MGAM2: variants seen among roughly 807,000 people sequenced by gnomAD.
MGAM2 encodes maltase-glucoamylase 2 (putative), also known as probable maltase-glucoamylase 2.
A neutral mutation model predicts 96.1 loss-of-function variants in MGAM2; 98 were observed. The observed-to-expected ratio is 1.02, with a 90% confidence interval of 0.87 to 1.21. The LOEUF (loss-of-function observed/expected upper bound fraction) is 1.21, where lower values mean the gene tolerates loss of function less well. Ranked by LOEUF, MGAM2 falls within the 50% of genes most tolerant of loss-of-function variation. The pLI is 0.00. For missense variants in MGAM2, 2,055 were observed against 1,182.4 expected (o/e 1.74, Z -10.82); for synonymous variants, 749 against 414.8 (o/e 1.81, Z -9.79).
rs1585209458 is a variant in MGAM2 at position 142,198,028 on chromosome 7, C to T, written c.4867-111C>T. On this transcript the variant is annotated intron_variant, in intron 42 of 47. Transcript: ENST00000477922. ...CTTAATAAAATCCCTCAAATTATTG[C>T]AATCACTAATACAATTTTCATTTTT... 6 of 607,784 alleles carry T rather than the reference C, an allele frequency of 9.9e-6. No individual in the cohort carries two copies. The East Asian group carries it at 1.7e-4, about 17-fold the overall frequency. 37.6% of individuals were successfully genotyped at this position (607,784 alleles called of 1,614,324 possible).
At chr7:142,113,934 C>A (rs80043565) in intron 1 of MGAM2, among the ~76,000 whole-genome samples, 1 of 152,032 alleles carries the variant, frequency 6.6e-6, no homozygotes, top group South Asian at 2.1e-4. Flanking sequence ...GAGTTCAAGA[C>A]CAACCTGGCC....
chr7:142,132,435 T>C (rs1226430609), intron 6 of MGAM2, among the ~76,000 whole-genome samples: 1 of 139,894 alleles, frequency 7.1e-6, no homozygotes, highest in Non-Finnish European at 1.5e-5. Context: ...ACTATTAATA[T>C]AATTAATAAT....
intron 2 of MGAM2, among the ~76,000 whole-genome samples, chr7:142,117,676 C>T (rs1817461061): frequency 6.6e-6 from 1 of 152,120 alleles, no homozygotes; most frequent in South Asian, 2.1e-4. Context: ...CACCTCTCTC[C>T]ACAGTAAACA....
chr7:142,193,107 T>G (rs1796923025), intron 37 of MGAM2, among the ~76,000 whole-genome samples: 1 of 152,184 alleles, frequency 6.6e-6, no homozygotes, highest in Admixed American at 6.5e-5. Context: ...ATATTCAAGC[T>G]GTTTGAAGGA....
intron 3 of MGAM2, among the ~76,000 whole-genome samples, chr7:142,128,152 G>T (rs1403135214): frequency 6.6e-6 from 1 of 152,188 alleles, no homozygotes; most frequent in Non-Finnish European, 1.5e-5. Context: ...GAGATCTGTG[G>T]AACTTTGAAC....
intron 36 of MGAM2, among the ~76,000 whole-genome samples, chr7:142,188,738 C>T (rs1256811956): frequency 1.3e-5 from 2 of 152,204 alleles, no homozygotes; most frequent in Non-Finnish European, 2.9e-5. Context: ...CTATTTTTCA[C>T]TTTCACTATA....
intron 45 of MGAM2, among the ~76,000 whole-genome samples, chr7:142,200,623 T>C (rs1797192275): frequency 6.6e-6 from 1 of 152,196 alleles, no homozygotes; most frequent in South Asian, 2.1e-4. Context: ...TACTTATTAC[T>C]GTGGACCAGA....
At chr7:142,175,865 G>A (rs1796358486) in intron 32 of MGAM2, 85 bp downstream of exon 32, 1 of 658,052 alleles carries the variant, frequency 1.5e-6, no homozygotes, top group Non-Finnish European at 2.8e-6. Context: ...ACTGGATGAA[G>A]GGTACCAGAA....
intron 15 of MGAM2, among the ~76,000 whole-genome samples, chr7:142,151,427 A>G (rs1017753393): frequency 1.3e-5 from 2 of 152,208 alleles, no homozygotes; most frequent in Admixed American, 1.3e-4. Context: ...TTTCTGATTC[A>G]TTATCTTCTC....
At chr7:142,190,197 A>G (rs1325759741) in intron 37 of MGAM2, among the ~76,000 whole-genome samples, 1 of 151,308 alleles carries the variant, frequency 6.6e-6, no homozygotes, top group Non-Finnish European at 1.5e-5. Flanking sequence ...CTTCTGTGTC[A>G]TATAGGAACT....
chr7:142,215,305 T>C (rs544071036), intron 46 of MGAM2, among the ~76,000 whole-genome samples: 1 of 150,944 alleles, frequency 6.6e-6, no homozygotes, highest in East Asian at 1.9e-4. Context: ...CTGTTGGGGG[T>C]GGAGGGCAAG....
intron 32 of MGAM2, among the ~76,000 whole-genome samples, 190 bp downstream of exon 32, chr7:142,175,970 G>T (rs535069667): frequency 1.1e-3 from 173 of 151,844 alleles, no homozygotes; most frequent in African/African-American, 3.8e-3. Context: ...ATGAAAGAAA[G>T]AAATGAAAAG....
chr7:142,199,112 C>T (rs1394055964), intron 44 of MGAM2, among the ~76,000 whole-genome samples: 3 of 152,158 alleles, frequency 2.0e-5, no homozygotes, highest in Admixed American at 2.0e-4. Flanking sequence ...TATCCTAGAA[C>T]TTAATGTTCA....
chr7:142,183,913 A>G (rs955086934), intron 33 of MGAM2, among the ~76,000 whole-genome samples: 2 of 117,320 alleles, frequency 1.7e-5, no homozygotes, highest in South Asian at 2.7e-4. Flanking sequence ...TAATTATACT[A>G]TGCTACTTCC....
intron 15 of MGAM2, among the ~76,000 whole-genome samples, chr7:142,150,322 C>G (rs1009406109): frequency 6.6e-6 from 1 of 152,198 alleles, no homozygotes; most frequent in South Asian, 2.1e-4. Flanking sequence ...ATGAAGCCAT[C>G]TTTTATGCCT....
At chr7:142,207,603 G>A (rs1305228340) in intron 45 of MGAM2, among the ~76,000 whole-genome samples, 1 of 151,622 alleles carries the variant, frequency 6.6e-6, no homozygotes, top group Non-Finnish European at 1.5e-5. Flanking sequence ...TTTTGTTTTA[G>A]TATTTTTAGT....
chr7:142,139,804 TA>T lies in MGAM2; in HGVS notation c.1087-987del, dbSNP rs938207699. Among the ~76,000 whole-genome samples, 460 of 144,938 alleles carry T rather than the reference TA, an allele frequency of 3.2e-3. 2 individuals are homozygous for T. The highest frequency in any genetic ancestry group is 0.011 in the African/African-American group (420 of 39,912). Reference sequence around the variant, plus strand: ...CAGGCAGGGGGATCAATTTTTCCTGTAAAAAAAAAAACAGATGGTCAATGTG... The same window carrying T: ...CAGGCAGGGGGATCAATTTTTCCTGTAAAAAAAAAACAGATGGTCAATGTG... On this transcript the variant is annotated intron_variant, in intron 10 of 47. Transcript: ENST00000477922.
In MGAM2 at chr7:142,186,001, T is replaced by TG; in HGVS notation, c.4000_4001insG (p.Tyr1334Ter). 1 of 703,460 alleles carries TG rather than the reference T, an allele frequency of 1.4e-6. No homozygotes were observed. The highest frequency in any genetic ancestry group is 2.6e-6 in the Non-Finnish European group (1 of 385,032). 43.6% of individuals were successfully genotyped at this position (703,460 alleles called of 1,614,324 possible). Residue 1334 changes from tyrosine to a stop codon, truncating the protein, a stop_gained and frameshift_variant, in exon 35 of 48, where the codon TAC (tyrosine) becomes TGAC (stop). Transcript: ENST00000477922. LOFTEE classifies it high-confidence loss of function. ...GTTATTCTTACAGCTTTACAGGGCC[T>TG]ACGTTGCCTTTCCTGACTTCTTTCG... is the stretch of plus-strand genomic sequence containing the variant. ...HETQVKLYRAYVAFPDFFRNS... is the reference protein window; with the variant it reads ...HETQVKLYRA
At chr7:142,214,709 A>G (rs1313481761) in intron 46 of MGAM2, among the ~76,000 whole-genome samples, 1 of 152,212 alleles carries the variant, frequency 6.6e-6, no homozygotes, top group Non-Finnish European at 1.5e-5. Flanking sequence ...CAGTATCGTG[A>G]AAATGGTCAT....
Sources: allele counts gnomAD v4.1 joint callset (sites outside exome capture counted in the v4.1 genomes callset), GRCh38; gene constraint gnomAD v4.1.1; transcripts MANE v1.5; gene names NCBI Gene and HGNC (gene_info 2026-07-23, HGNC 2026-07-21).